Variants in RALYL observed in about 807,000 individuals in gnomAD.
RALYL encodes the protein RNA-binding Raly-like protein.
Under a neutral mutation model 35.1 loss-of-function variants are expected in RALYL, and 29 were observed. That is an observed-to-expected ratio of 0.83 (90% CI 0.61 to 1.13). The LOEUF (loss-of-function observed/expected upper bound fraction) is 1.13. RALYL is among the 50% of genes most tolerant of loss of function. The pLI is 0.00. For missense variants in RALYL, 359 were observed against 360.4 expected (o/e 1.00, Z 0.03); for synonymous variants, 120 against 127.6 (o/e 0.94, Z 0.40).
intron 1 of RALYL, among the ~76,000 whole-genome samples, chr8:84,189,782 ATTAC>A (rs1813415958): frequency 6.6e-6 from 1 of 151,826 alleles, no homozygotes. Context: ...TTCTTGATAC[ATTAC>A]TTAAGATGTC....
rs1239743984 is a variant in RALYL at position 84,840,288 on chromosome 8, C to T, written c.366-9692C>T. Among the ~76,000 whole-genome samples the T allele has an allele frequency of 4.6e-5, 7 of 152,066 alleles. No homozygotes were observed. In the East Asian group the frequency reaches 1.3e-3, roughly 29 times the overall value. On this transcript the variant is annotated intron_variant, in intron 4 of 8. Transcript: ENST00000521268. ...GAAGTCCTTAAAGGACCTGATGGAG[C>T]TGAAAACCAAGGCACCAGAACTACG...
At chr8:84,310,363 A>T (rs1448798936) in intron 1 of RALYL, among the ~76,000 whole-genome samples, 1 of 152,090 alleles carries the variant, frequency 6.6e-6, no homozygotes, top group Non-Finnish European at 1.5e-5. Context: ...AAGAAAAAAA[A>T]AATTGGCTAA....
intron 2 of RALYL, among the ~76,000 whole-genome samples, chr8:84,610,335 A>G (rs1818033670): frequency 6.6e-6 from 1 of 151,866 alleles, no homozygotes; most frequent in South Asian, 2.1e-4. Flanking sequence ...GTTTTGTAAG[A>G]TTCTTTTCTG....
At chr8:84,387,917 A>T (rs1203124857) in intron 1 of RALYL, among the ~76,000 whole-genome samples, 2 of 151,750 alleles carry the variant, frequency 1.3e-5, no homozygotes, top group African/African-American at 4.8e-5. Flanking sequence ...ATATGTATAC[A>T]TGTGCCATGC....
At chr8:84,437,349 C>T (rs185926899) in intron 1 of RALYL, among the ~76,000 whole-genome samples, 1 of 152,242 alleles carries the variant, frequency 6.6e-6, no homozygotes, top group Non-Finnish European at 1.5e-5. Context: ...TCTAGCAGAA[C>T]AATTTACTTT....
intron 2 of RALYL, among the ~76,000 whole-genome samples, chr8:84,608,210 G>C (rs1817569000): frequency 6.6e-6 from 1 of 152,072 alleles, no homozygotes; most frequent in Non-Finnish European, 1.5e-5. Context: ...ATTCTCCCAA[G>C]AGTGGTGAAG....
At chr8:84,646,930 T>G (rs1165183258) in intron 2 of RALYL, among the ~76,000 whole-genome samples, 5 of 152,096 alleles carry the variant, frequency 3.3e-5, no homozygotes, top group Non-Finnish European at 4.4e-5. Flanking sequence ...GTGTTTTATC[T>G]AATTCATCTA....
At chr8:84,406,579 A>T (rs2043521304) in intron 1 of RALYL, among the ~76,000 whole-genome samples, 1 of 151,932 alleles carries the variant, frequency 6.6e-6, no homozygotes. Flanking sequence ...ACTTCTGGGC[A>T]TTTTCTTTTG....
At chr8:84,236,640 T>A (rs1296841824) in intron 1 of RALYL, among the ~76,000 whole-genome samples, 2 of 152,188 alleles carry the variant, frequency 1.3e-5, no homozygotes, top group African/African-American at 2.4e-5. Context: ...ACTTAAAGAT[T>A]GCTCTGTGTG....
intron 1 of RALYL, among the ~76,000 whole-genome samples, chr8:84,318,957 T>C (rs755668449): frequency 2.6e-5 from 4 of 152,222 alleles, no homozygotes; most frequent in Non-Finnish European, 5.9e-5. Context: ...ACACATGCTG[T>C]GTTTGACATG....
Position 84,184,720 on chromosome 8 carries a change from G to A in RALYL, c.-24+296G>A, listed in dbSNP as rs535840736. 1.4e-3 allele frequency among the ~76,000 whole-genome samples: 212 copies of A among 152,058 alleles called. 1 individual carries two copies. Among genetic ancestry groups the A allele is most frequent in the African/African-American group, 4.8e-3 (200 of 41,506 alleles). On this transcript the variant is annotated intron_variant, in intron 1 of 8. Transcript: ENST00000521268. ...GCGGGGCGGGTGGCGTCTGCGCTGC[G>A]GGCCGCGCCGGCCGGGCACTAGGCG...
At chr8:84,483,052 A>T (rs1048890377) in intron 1 of RALYL, among the ~76,000 whole-genome samples, 9 of 152,102 alleles carry the variant, frequency 5.9e-5, no homozygotes, top group Admixed American at 2.6e-4. Flanking sequence ...ATTGTACAGT[A>T]CACTTTGAAA....
intron 1 of RALYL, among the ~76,000 whole-genome samples, chr8:84,280,389 C>A (rs1394542888): frequency 6.6e-6 from 1 of 151,992 alleles, no homozygotes; most frequent in African/African-American, 2.4e-5. Flanking sequence ...TTTAAAATTT[C>A]ATTGAAAGGG....
chr8:84,777,824 G>A (rs1817189988), intron 3 of RALYL, among the ~76,000 whole-genome samples: 1 of 151,550 alleles, frequency 6.6e-6, no homozygotes. Flanking sequence ...TGTATTTTTA[G>A]TAGAGGCAGC....
chr8:84,258,615 AT>A (rs199796058), intron 1 of RALYL, among the ~76,000 whole-genome samples: 2,884 of 152,230 alleles, frequency 0.019, 41 homozygotes, highest in Non-Finnish European at 0.031. Flanking sequence ...TCTAATTCTC[AT>A]TCTTAAGATT....
chr8:84,433,642 T>C (rs914121515), intron 1 of RALYL, among the ~76,000 whole-genome samples: 1 of 151,954 alleles, frequency 6.6e-6, no homozygotes, highest in African/African-American at 2.4e-5. Flanking sequence ...CCTTCCTCAT[T>C]TTCCCTTGCT....
chr8:84,744,444 T>A (rs1298911575), intron 2 of RALYL, among the ~76,000 whole-genome samples: 4 of 151,974 alleles, frequency 2.6e-5, no homozygotes, highest in Non-Finnish European at 5.9e-5. Context: ...TTAGGTCCCA[T>A]TGAAGCAAAG....
chr8:84,866,233 G>T (rs1242574519), intron 6 of RALYL, among the ~76,000 whole-genome samples: 7 of 152,112 alleles, frequency 4.6e-5, no homozygotes, highest in Non-Finnish European at 1.5e-5. Flanking sequence ...GATCTGGGTG[G>T]AGAAGAACAG....
intron 1 of RALYL, among the ~76,000 whole-genome samples, chr8:84,320,592 GT>G (rs1438999622): frequency 1.3e-5 from 2 of 152,014 alleles, no homozygotes; most frequent in African/African-American, 2.4e-5. Context: ...GAATTTAAAT[GT>G]TAGTTGTTGG....
Sources: allele counts gnomAD v4.1 joint callset (sites outside exome capture counted in the v4.1 genomes callset), GRCh38; gene constraint gnomAD v4.1.1; transcripts MANE v1.5; gene names NCBI Gene and HGNC (gene_info 2026-07-23, HGNC 2026-07-21).